The following ATP23 variants were observed in gnomAD, a reference collection of about 807,000 sequenced individuals.
ATP23 encodes the protein ATP23 metallopeptidase and ATP synthase assembly factor homolog, also known as mitochondrial inner membrane protease ATP23 homolog.
A neutral mutation model predicts 28.5 loss-of-function variants in ATP23; 24 were observed. That is an observed-to-expected ratio of 0.84 (90% CI 0.61 to 1.18). The LOEUF (loss-of-function observed/expected upper bound fraction) is 1.18. Among genes scored for constraint, ATP23 ranks in the 50% most tolerant of loss-of-function variants. The probability of loss-of-function intolerance (pLI) is 0.00; values close to 1 mark genes in which losing one functional copy is unlikely to be tolerated. For missense variants in ATP23, 274 were observed against 306.4 expected, an observed-to-expected ratio of 0.89 and a Z score of 0.79; for synonymous variants, 99 against 108.6, an observed-to-expected ratio of 0.91 and a Z score of 0.55.
chr12:57,946,616 C>T (rs372527923), intron 2 of ATP23, among the ~76,000 whole-genome samples: 14 of 150,438 alleles, frequency 9.3e-5, no homozygotes, highest in East Asian at 3.9e-4. Context: ...CACCACCACC[C>T]GGCTAATTTT....
chr12:57,943,397 G>C (rs1421518666), intron 1 of ATP23, among the ~76,000 whole-genome samples: 1 of 152,098 alleles, frequency 6.6e-6, no homozygotes, highest in African/African-American at 2.4e-5. Context: ...AGATTTTATG[G>C]GGCTGGGTAC....
Position 57,957,480 on chromosome 12 carries a change from C to A in ATP23, c.*590C>A, listed in dbSNP as rs1387346194. Among the ~76,000 whole-genome samples the A allele has an allele frequency of 6.6e-6, 1 of 152,074 alleles. No individual in the cohort carries two copies. Among genetic ancestry groups the A allele is most frequent in the Non-Finnish European group, 1.5e-5 (1 of 68,010 alleles). On this transcript the variant is annotated 3_prime_UTR_variant, in exon 6 of 6. Coordinates refer to ENST00000300145, the MANE Select transcript of ATP23 (RefSeq NM_033276.4). ...GCTCCAGATCGACTGCAAGAACAAACCAGCAATACTGAGAGGACCCACAGA... is the reference window on the plus strand; with the variant it reads ...GCTCCAGATCGACTGCAAGAACAAAACAGCAATACTGAGAGGACCCACAGA...
In ATP23 at chr12:57,951,756, A is replaced by G. The variant is rs748455329; in HGVS notation, c.316-2A>G. 1.2e-6 allele frequency: 2 copies of G among 1,614,030 alleles called. No individual in the cohort carries two copies. The highest frequency in any genetic ancestry group is 1.7e-6 in the Non-Finnish European group (2 of 1,179,928). ...AACTTCTTTTATTTTGGTGTCTCCT[A>G]GATAGTTTTGTGCCAGAATAATATC... On this transcript the variant is annotated splice_acceptor_variant, in intron 3 of 5. Transcript: ENST00000300145. LOFTEE classifies it high-confidence loss of function.
In ATP23 at chr12:57,958,724, A is replaced by T. The variant is rs1016904235; in HGVS notation, c.*1834A>T. 6.6e-6 allele frequency among the ~76,000 whole-genome samples: 1 copy of T among 152,208 alleles called. No homozygotes were observed. The highest frequency in any genetic ancestry group is 1.5e-5 in the Non-Finnish European group (1 of 68,034). On this transcript the variant is annotated 3_prime_UTR_variant, in exon 6 of 6. Transcript: ENST00000300145. ...AAGGGAACACCCTGTGGGACAAAGG[A>T]ACCTGAACAATGGCCTTCAGCCCTA...
intron 5 of ATP23, among the ~76,000 whole-genome samples, chr12:57,955,331 A>G (rs1020392187): frequency 6.8e-6 from 1 of 146,894 alleles, no homozygotes; most frequent in Non-Finnish European, 1.5e-5. Flanking sequence ...TTTGTGATGC[A>G]CACAATCTTT....
chr12:57,948,943 C>T (rs1414632716), intron 3 of ATP23, among the ~76,000 whole-genome samples: 1 of 152,188 alleles, frequency 6.6e-6, no homozygotes, highest in Non-Finnish European at 1.5e-5. Flanking sequence ...TATATAGTCT[C>T]CAATTACTTT....
At chr12:57,945,842 T>C (rs1473409908) in intron 2 of ATP23, among the ~76,000 whole-genome samples, 169 bp downstream of exon 2, 2 of 151,278 alleles carry the variant, frequency 1.3e-5, no homozygotes, top group Non-Finnish European at 2.9e-5. Flanking sequence ...TTGTTCTCTT[T>C]GGACATTTTC....
intron 3 of ATP23, among the ~76,000 whole-genome samples, chr12:57,950,975 A>G (rs180788395): frequency 4.6e-5 from 7 of 152,370 alleles, no homozygotes; most frequent in Admixed American, 4.6e-4. Context: ...TATTAGTTGA[A>G]TCAATGGATG....
chr12:57,951,704 C>T (rs897246447), intron 3 of ATP23, 54 bp from the exon 4 acceptor site: 5 of 1,598,492 alleles, frequency 3.1e-6, no homozygotes, highest in Non-Finnish European at 4.3e-6. Flanking sequence ...AAGATCGAGT[C>T]TATGGAAGGA....
rs71087605 is a variant in ATP23 at position 57,955,280 on chromosome 12, G to GTT, written c.538-1394_538-1393dup. 2.7e-3 allele frequency among the ~76,000 whole-genome samples: 384 copies of GTT among 142,130 alleles called. 4 individuals carry two copies. Among genetic ancestry groups the GTT allele is most frequent in the African/African-American group, 6.0e-3 (230 of 38,042 alleles). The allele number at this position is 142,130 out of a possible 152,430, so 93.2% of individuals were successfully genotyped here. Reference sequence around the variant, plus strand: ...TTGATATACTAAAGAAATAGAGCATGTTTTTTTTTTTTTTAATTCACCTTC... The same window carrying GTT: ...TTGATATACTAAAGAAATAGAGCATGTTTTTTTTTTTTTTTTAATTCACCTTC... On this transcript the variant is annotated intron_variant, in intron 5 of 5. Coordinates refer to ENST00000300145, the MANE Select transcript of ATP23 (RefSeq NM_033276.4).
chr12:57,945,952 G>A (rs1228496626), intron 2 of ATP23, among the ~76,000 whole-genome samples: 3 of 149,864 alleles, frequency 2.0e-5, no homozygotes, highest in African/African-American at 4.9e-5. Flanking sequence ...TGCAACCTCC[G>A]TCTCCCAGGT....
At chr12:57,953,417 CTCAT>C (rs1358953462) in intron 4 of ATP23, among the ~76,000 whole-genome samples, 185 bp from the exon 5 acceptor site, 61 of 152,294 alleles carry the variant, frequency 4.0e-4, no homozygotes, top group African/African-American at 1.3e-3. Context: ...TCTAGCATAG[CTCAT>C]AGATATTTGC....
chr12:57,952,494 A>G (rs183911916), intron 4 of ATP23, among the ~76,000 whole-genome samples: 217 of 152,318 alleles, frequency 1.4e-3, no homozygotes, highest in Non-Finnish European at 2.4e-3. Flanking sequence ...ACATAAAAAG[A>G]TATTTATTAC....
At position 57,958,959 on chromosome 12, in the gene ATP23, C is replaced by T. The variant is rs1166777392; in HGVS notation, c.*2069C>T. ...TAATCAGGGAGGCACCAGAGAAAGG[C>T]AAAGCCCAGTGCAAGGAAATCCAAA... On this transcript the variant is annotated 3_prime_UTR_variant, in exon 6 of 6. Coordinates refer to ENST00000300145, the MANE Select transcript of ATP23 (RefSeq NM_033276.4). 6.6e-6 allele frequency among the ~76,000 whole-genome samples: 1 copy of T among 152,072 alleles called. No homozygotes were observed. The highest frequency in any genetic ancestry group is 1.5e-5 in the Non-Finnish European group (1 of 68,024).
chr12:57,941,631 G>T lies in ATP23; in HGVS notation c.-71G>T. 1 of 1,543,692 alleles carries T rather than the reference G, an allele frequency of 6.5e-7. No individual in the cohort carries two copies. The highest frequency in any genetic ancestry group is 2.3e-5 in the East Asian group (1 of 42,760). On this transcript the variant is annotated 5_prime_UTR_variant, in exon 1 of 6. Transcript: ENST00000300145. ...CCTGGGCGGTCGCGTTGGCGGGAGG[G>T]AGGTTACCTTTCCCAGTCTCGCTCT...
At chr12:57,951,654 A>G in intron 3 of ATP23, 104 bp from the exon 4 acceptor site, 1 of 1,252,696 alleles carries the variant, frequency 8.0e-7, no homozygotes, top group Non-Finnish European at 1.1e-6. Context: ...TATTCCAGGC[A>G]GGTGAGCTTG....
Position 57,946,188 on chromosome 12 carries a change from A to G in ATP23, c.233+515A>G, listed in dbSNP as rs571831600. 9.2e-5 allele frequency among the ~76,000 whole-genome samples: 14 copies of G among 152,160 alleles called. No homozygotes were observed. The East Asian group carries it at 2.1e-3, about 23-fold the overall frequency. ...CCCAGCTCATTTTCTAGTTCTTACC[A>G]TTCACCTTGGGTGATTAATAAAGAC... On this transcript the variant is annotated intron_variant, in intron 2 of 5. Coordinates refer to ENST00000300145, the MANE Select transcript of ATP23 (RefSeq NM_033276.4).
In ATP23 at chr12:57,941,888, A is replaced by G. The variant is rs201809594; in HGVS notation, c.187A>G (p.Asn63Asp). 60 of 1,612,946 alleles carry G rather than the reference A, an allele frequency of 3.7e-5. No individual in the cohort carries two copies. The highest frequency in any genetic ancestry group is 1.8e-4 in the Admixed American group (11 of 59,854). The change falls in exon 1 of 6, where the codon AAT (asparagine) becomes GAT (aspartate). Residue 63 changes from asparagine (N) to aspartate (D), a missense_variant and splice_region_variant. Coordinates refer to ENST00000300145, the MANE Select transcript of ATP23 (RefSeq NM_033276.4). ...TAGGCTCCTGAAGACGCTGGAGACAAGTAGGAGCCATGACCTGGAGGCTGT... is the reference window on the plus strand; with the variant it reads ...TAGGCTCCTGAAGACGCTGGAGACAGGTAGGAGCCATGACCTGGAGGCTGT... ...QLRLLKTLET[N>D]PYVKLLLDAM...
At position 57,941,679 on chromosome 12, in the gene ATP23, C is replaced by A; in HGVS notation, c.-23C>A. On this transcript the variant is annotated 5_prime_UTR_variant, in exon 1 of 6. Coordinates refer to ENST00000300145, the MANE Select transcript of ATP23 (RefSeq NM_033276.4). ...TCTGGCCGCCTGAGCCAGGAGGAAG[C>A]AGCGGCGAGGTCTGCGGGAGGCATG... 6.3e-7 allele frequency: 1 copy of A among 1,598,186 alleles called. No homozygotes were observed. Among genetic ancestry groups the A allele is most frequent in the Non-Finnish European group, 8.5e-7 (1 of 1,172,990 alleles).
Sources: gnomAD v4.1 joint callset for allele counts (sites outside exome capture counted in the v4.1 genomes callset) on GRCh38, gnomAD v4.1.1 for gene constraint, MANE v1.5 for transcripts, NCBI Gene and HGNC (gene_info 2026-07-23, HGNC 2026-07-21) for gene names.